The following SHROOM4 variants were observed in gnomAD, a reference collection of about 807,000 sequenced individuals.
SHROOM4 encodes shroom family member 4.
A neutral mutation model predicts 80.3 loss-of-function variants in SHROOM4; 17 were observed. That is an observed-to-expected ratio of 0.21 (90% confidence interval 0.14 to 0.32). The LOEUF is 0.32. SHROOM4 is among the 10% of genes least tolerant of loss of function. The pLI is 1.00. For missense variants in SHROOM4, 993 were observed against 1,140.3 expected, an observed-to-expected ratio of 0.87 and a Z score of 1.86; for synonymous variants, 400 against 437.5, an observed-to-expected ratio of 0.91 and a Z score of 1.07.
At chrX:50,769,563 G>A (rs1935354026) in intron 1 of SHROOM4, among the ~76,000 whole-genome samples, 1 of 111,596 alleles carries the variant, frequency 9.0e-6, no homozygotes, top group African/African-American at 3.3e-5. Context: ...TCATTCACTT[G>A]TTCTAGCCAT....
chrX:50,652,901 C>G lies in SHROOM4; in HGVS notation c.270-14593G>C, dbSNP rs376136773. On this transcript the variant is annotated intron_variant, in intron 2 of 8. Coordinates refer to ENST00000376020, the MANE Select transcript of SHROOM4 (RefSeq NM_020717.5). ...TAGAGGTGTGGCATTATTTCTGAGG[C>G]CTCTGTTCTATTCCATTGGTCTATA... Among the ~76,000 whole-genome samples, 26 of 111,110 alleles carry G rather than the reference C, an allele frequency of 2.3e-4. No individual in the cohort carries two copies. The East Asian group carries it at 2.8e-3, about 12-fold the overall frequency.
intron 7 of SHROOM4, among the ~76,000 whole-genome samples, chrX:50,599,978 T>C (rs1192096919): frequency 9.0e-6 from 1 of 111,259 alleles, no homozygotes; most frequent in Non-Finnish European, 1.9e-5. Flanking sequence ...TATAGGTGAG[T>C]ACAGTCACAG....
At chrX:50,777,374 T>A (rs1557270229) in intron 1 of SHROOM4, among the ~76,000 whole-genome samples, 1 of 112,192 alleles carries the variant, frequency 8.9e-6, no homozygotes. Context: ...AGTTGGTAAG[T>A]TTTTAAGTAA....
rs1936408106 is a variant in SHROOM4 at position 50,814,062 on chromosome X, G to C, written c.-44C>G. 4.1e-6 allele frequency: 4 copies of C among 979,503 alleles called. No homozygotes were observed. The East Asian group carries it at 1.2e-4, about 30-fold the overall frequency. The allele number at this position is 979,503 out of a possible 1,213,427, so 80.7% of individuals were successfully genotyped here. A position where few individuals can be genotyped will look rare whatever the true frequency, so the allele number is the denominator to read the frequency against. On this transcript the variant is annotated 5_prime_UTR_variant, in exon 1 of 9. Transcript: ENST00000376020. ...GCCGCCGGGCTCCTTTTCCGAGGGGGCTACGTTGCCTCCGCCCCCAGCAGC... is the reference window on the plus strand; with the variant it reads ...GCCGCCGGGCTCCTTTTCCGAGGGGCCTACGTTGCCTCCGCCCCCAGCAGC...
At chrX:50,755,378 A>G (rs1176135744) in intron 1 of SHROOM4, among the ~76,000 whole-genome samples, 1 of 112,153 alleles carries the variant, frequency 8.9e-6, no homozygotes, top group Non-Finnish European at 1.9e-5. Flanking sequence ...AGGGACAAAG[A>G]TAAGGCAATT....
At chrX:50,762,770 T>C (rs1557269020) in intron 1 of SHROOM4, among the ~76,000 whole-genome samples, 1 of 111,993 alleles carries the variant, frequency 8.9e-6, no homozygotes, top group Non-Finnish European at 1.9e-5. Flanking sequence ...ATTCATCTTT[T>C]TGGAGTTCAC....
At chrX:50,754,456 C>T (rs1557268254) in intron 1 of SHROOM4, among the ~76,000 whole-genome samples, 1 of 111,817 alleles carries the variant, frequency 8.9e-6, no homozygotes, top group Non-Finnish European at 1.9e-5. Flanking sequence ...TTCAAAAGCT[C>T]GCTCCAATCA....
At chrX:50,718,157 C>A (rs924025362) in intron 1 of SHROOM4, among the ~76,000 whole-genome samples, 1 of 111,725 alleles carries the variant, frequency 9.0e-6, no homozygotes, top group South Asian at 3.8e-4. Flanking sequence ...AGCCACTTGT[C>A]CCTACTCTCA....
chrX:50,609,527 T>A (rs1929853542), intron 5 of SHROOM4, among the ~76,000 whole-genome samples: 1 of 110,696 alleles, frequency 9.0e-6, no homozygotes, highest in African/African-American at 3.3e-5. Flanking sequence ...AAAAACATCA[T>A]ATACATAATC....
At chrX:50,648,888 G>C (rs1393222585) in intron 2 of SHROOM4, among the ~76,000 whole-genome samples, 3 of 112,435 alleles carry the variant, frequency 2.7e-5, no homozygotes, top group Non-Finnish European at 5.6e-5. Context: ...GCCCTTGGAA[G>C]TTCCAGAGTA....
rs1490139572 is a variant in SHROOM4 at position 50,695,883 on chromosome X, G to T, written c.172C>A (p.Leu58Met). The change falls in exon 2 of 9, where the codon CTG becomes ATG. Residue 58 changes from leucine to methionine, a missense_variant. By Grantham distance (15) the Leu-to-Met change is conservative. Transcript: ENST00000376020. ...LSQKMRTGDELVNINGTPLYG... is the reference protein window; with the variant it reads ...LSQKMRTGDEMVNINGTPLYG... ...AATGGAGTGCCATTGATATTCACCAGCTCATCACCAGTCCTCATCTTCTGG... is the reference window on the plus strand; with the variant it reads ...AATGGAGTGCCATTGATATTCACCATCTCATCACCAGTCCTCATCTTCTGG... The T allele has an allele frequency of 1.3e-4, 152 of 1,209,973 alleles. No homozygotes were observed. Among genetic ancestry groups the T allele is most frequent in the Non-Finnish European group, 1.7e-4 (150 of 895,015 alleles).
chrX:50,714,691 G>A lies in SHROOM4; in HGVS notation c.118-18754C>T, dbSNP rs182665834. ...ATAACTTTAATTTACAGTATGTTAA[G>A]ATAGCAACACAGTATAGGAGAGTGC... On this transcript the variant is annotated intron_variant, in intron 1 of 8. Transcript: ENST00000376020. Among the ~76,000 whole-genome samples the A allele has an allele frequency of 2.9e-4, 32 of 112,220 alleles. 1 individual carries two copies. The highest frequency in any genetic ancestry group is 2.6e-3 in the Admixed American group (27 of 10,564).
intron 1 of SHROOM4, among the ~76,000 whole-genome samples, chrX:50,811,905 G>A (rs1936339464): frequency 9.0e-6 from 1 of 110,615 alleles, no homozygotes; most frequent in African/African-American, 3.3e-5. Flanking sequence ...AACACACGAA[G>A]CACTTCCTCT....
At chrX:50,611,027 C>T (rs984361433) in intron 5 of SHROOM4, among the ~76,000 whole-genome samples, 2 of 110,255 alleles carry the variant, frequency 1.8e-5, no homozygotes, top group Admixed American at 9.6e-5. Context: ...AATCAAGGGC[C>T]CATTGAGTAT....
intron 1 of SHROOM4, 129 bp from the exon 2 acceptor site, chrX:50,696,066 G>T: frequency 1.4e-6 from 1 of 694,505 alleles, no homozygotes; most frequent in Non-Finnish European, 2.2e-6. Context: ...CCTGGGAGTA[G>T]CTCAGGAGCT....
intron 2 of SHROOM4, among the ~76,000 whole-genome samples, chrX:50,652,422 T>C (rs1026997006): frequency 2.7e-5 from 3 of 110,497 alleles, no homozygotes; most frequent in African/African-American, 9.8e-5. Flanking sequence ...TTTTGATGGG[T>C]TTTTTTTCTT....
chrX:50,592,477 A>T lies in SHROOM4; in HGVS notation c.*4218T>A, dbSNP rs1242950863. 4 of 224,690 alleles carry T rather than the reference A, an allele frequency of 1.8e-5. No homozygotes were observed. Among genetic ancestry groups the T allele is most frequent in the Non-Finnish European group, 3.3e-5 (4 of 122,844 alleles). 18.5% of individuals were successfully genotyped at this position (224,690 alleles called of 1,213,427 possible). ...TCATTGAATAAGTGGCAGAACCAGGATTTGAACACAGTTCATTCTAATGCC... is the reference window on the plus strand; with the variant it reads ...TCATTGAATAAGTGGCAGAACCAGGTTTTGAACACAGTTCATTCTAATGCC... On this transcript the variant is annotated 3_prime_UTR_variant, in exon 9 of 9. Transcript: ENST00000376020.
chrX:50,797,679 G>A (rs1936044569), intron 1 of SHROOM4, among the ~76,000 whole-genome samples: 2 of 111,608 alleles, frequency 1.8e-5, no homozygotes, highest in African/African-American at 6.5e-5. Flanking sequence ...GAGAAAACAA[G>A]GATGATGAAA....
chrX:50,692,998 G>C (rs1933260309), intron 2 of SHROOM4, among the ~76,000 whole-genome samples: 1 of 111,684 alleles, frequency 9.0e-6, no homozygotes, highest in Non-Finnish European at 1.9e-5. Context: ...TGTTAGGTTT[G>C]GGGCATGTTG....
Sources: gnomAD v4.1 joint callset for allele counts (sites outside exome capture counted in the v4.1 genomes callset) on GRCh38, gnomAD v4.1.1 for gene constraint, MANE v1.5 for transcripts, NCBI Gene and HGNC (gene_info 2026-07-23, HGNC 2026-07-21) for gene names.